The following PLXNA4 variants were observed in gnomAD, a reference collection of about 807,000 sequenced individuals.
PLXNA4 encodes plexin-A4.
PLXNA4 carries 44 observed loss-of-function variants against 191.8 expected under a neutral mutation model. That is an observed-to-expected ratio of 0.23 (90% CI 0.18 to 0.29). The LOEUF (loss-of-function observed/expected upper bound fraction) is 0.29. Among genes scored for constraint, PLXNA4 ranks in the 10% least tolerant of loss-of-function variants. The pLI is 1.00. For missense variants in PLXNA4, 1,800 were observed against 2,488.8 expected (o/e 0.72, Z 5.89); for synonymous variants, 1,082 against 1,009.5 (o/e 1.07, Z -1.36).
intron 3 of PLXNA4, among the ~76,000 whole-genome samples, chr7:132,382,500 G>T (rs1425495287): frequency 6.6e-6 from 1 of 152,142 alleles, no homozygotes; most frequent in Non-Finnish European, 1.5e-5. Context: ...GGTCCCCGTG[G>T]CAGGGACCTC....
In PLXNA4 at chr7:132,187,616, A is replaced by G. The variant is rs1443382485; in HGVS notation, c.2857-9T>C. On this transcript the variant is annotated splice_polypyrimidine_tract_variant and intron_variant, in intron 14 of 31. Coordinates refer to ENST00000321063, the MANE Select transcript of PLXNA4 (RefSeq NM_020911.2). ...TCTGAGAGAGTCAGTGTCTGTGTAG[A>G]AAGGATGTGGCCTGAGACACAACCA... 1 of 1,609,718 alleles carries G rather than the reference A, an allele frequency of 6.2e-7. No homozygotes were observed. Among genetic ancestry groups the G allele is most frequent in the African/African-American group, 1.3e-5 (1 of 74,732 alleles).
intron 3 of PLXNA4, among the ~76,000 whole-genome samples, chr7:132,366,856 G>T (rs1030773159): frequency 1.3e-5 from 2 of 152,120 alleles, no homozygotes; most frequent in Non-Finnish European, 2.9e-5. Context: ...CAAACTCTTG[G>T]GATTAAGTGA....
intron 2 of PLXNA4, among the ~76,000 whole-genome samples, chr7:132,630,832 A>T (rs1803479187): frequency 6.6e-6 from 1 of 152,194 alleles, no homozygotes. Flanking sequence ...CTTTATGGTC[A>T]TGTCAGTGGA....
intron 3 of PLXNA4, among the ~76,000 whole-genome samples, chr7:132,375,013 G>A (rs1804600423): frequency 6.6e-6 from 1 of 152,230 alleles, no homozygotes; most frequent in Non-Finnish European, 1.5e-5. Context: ...AGAAAGGCGA[G>A]GCTGTCCCCG....
At position 132,406,428 on chromosome 7, in the gene PLXNA4, G is replaced by A. The variant is rs529302196; in HGVS notation, c.1371+82864C>T. Among the ~76,000 whole-genome samples, 27 of 152,200 alleles carry A rather than the reference G, an allele frequency of 1.8e-4. 1 individual carries two copies. In the South Asian group the frequency reaches 4.4e-3, roughly 25 times the overall value. ...TTAGGAATTGAGTAAACTAGAGCGC[G>A]TTCTAACTCACCTGTTGTTCACCTT... is the stretch of plus-strand genomic sequence containing the variant. On this transcript the variant is annotated intron_variant, in intron 3 of 31. Transcript: ENST00000321063.
intron 5 of PLXNA4, among the ~76,000 whole-genome samples, chr7:132,237,486 G>A (rs181688232): frequency 6.6e-6 from 1 of 152,216 alleles, no homozygotes; most frequent in Non-Finnish European, 1.5e-5. Context: ...AACTCTGAGA[G>A]GGAGGGAGGA....
At position 132,132,493 on chromosome 7, in the gene PLXNA4, T is replaced by TCTGC. The variant is rs1563048532; in HGVS notation, c.5589+555_5589+556insGCAG. Among the ~76,000 whole-genome samples, 8 of 91,404 alleles carry TCTGC rather than the reference T, an allele frequency of 8.8e-5. 1 individual carries two copies. Among genetic ancestry groups the TCTGC allele is most frequent in the African/African-American group, 3.2e-4 (7 of 21,776 alleles). 60.0% of individuals were successfully genotyped at this position (91,404 alleles called of 152,430 possible). A position where few individuals can be genotyped will look rare whatever the true frequency, so the allele number is the denominator to read the frequency against. On this transcript the variant is annotated intron_variant, in intron 31 of 31. Coordinates refer to ENST00000321063, the MANE Select transcript of PLXNA4 (RefSeq NM_020911.2). ...CTCTGCTCTGCTCTGCTCTGCTCTA[T>TCTGC]TCTTTTCTATTCTATTCTATTCTAT... is the stretch of plus-strand genomic sequence containing the variant.
rs1798569747 is a variant in PLXNA4 at position 132,508,365 on chromosome 7, G to A, written c.329C>T (p.Thr110Ile). ...GAGCATCTTGTTGACATTGTTGGTG[G>A]TGGTCAGGGGCTCATTGCAGGTCTG... Reference protein sequence around the residue: ...IVQTCNEPLTTTNNVNKMLLI... With the variant: ...IVQTCNEPLTITNNVNKMLLI... Residue 110 changes from threonine to isoleucine, a missense_variant, in exon 2 of 32, where the codon ACC becomes ATC. Transcript: ENST00000321063. This position sits in a 1 kb window ranked among gnomAD's most constrained non-coding sequence, Gnocchi z 4.4. 2 of 1,614,192 alleles carry A rather than the reference G, an allele frequency of 1.2e-6. No homozygotes were observed. Among genetic ancestry groups the A allele is most frequent in the South Asian group, 1.1e-5 (1 of 91,082 alleles).
Position 132,204,828 on chromosome 7 carries a change from T to C in PLXNA4, c.2299-1409A>G, listed in dbSNP as rs533539765. ...CAGAAAATTGCCCTAAATTCCTGAG[T>C]TACGGAATGTGCTCCCATGAGAACA... On this transcript the variant is annotated intron_variant, in intron 10 of 31. Transcript: ENST00000321063. 1.6e-4 allele frequency among the ~76,000 whole-genome samples: 24 copies of C among 152,290 alleles called. No homozygotes were observed. In the South Asian group the frequency reaches 5.0e-3, roughly 32 times the overall value.
At chr7:132,423,987 C>T (rs530796254) in intron 3 of PLXNA4, among the ~76,000 whole-genome samples, 1 of 152,274 alleles carries the variant, frequency 6.6e-6, no homozygotes, top group Admixed American at 6.5e-5. Flanking sequence ...TCAGGGCTGC[C>T]CTCCCCTCTG....
chr7:132,385,340 G>A, intron 3 of PLXNA4: 2 of 1,567,452 alleles, frequency 1.3e-6, no homozygotes, highest in East Asian at 2.2e-5. Context: ...TGGTGCACAA[G>A]ATATGCCCAT....
intron 14 of PLXNA4, among the ~76,000 whole-genome samples, chr7:132,193,107 A>C (rs1332425422): frequency 6.6e-6 from 1 of 152,184 alleles, no homozygotes; most frequent in African/African-American, 2.4e-5. Flanking sequence ...CTTAATCCCC[A>C]ATTTAACAGT....
intron 4 of PLXNA4, among the ~76,000 whole-genome samples, chr7:132,283,898 G>A (rs540343703): frequency 1.3e-5 from 2 of 152,366 alleles, no homozygotes; most frequent in Non-Finnish European, 2.9e-5. Context: ...TCAAGGGCTG[G>A]ATAGAGTGGC....
At chr7:132,253,754 C>T (rs746093210) in intron 4 of PLXNA4, among the ~76,000 whole-genome samples, 2 of 150,670 alleles carry the variant, frequency 1.3e-5, no homozygotes, top group African/African-American at 2.5e-5. Context: ...TCAGTGATGT[C>T]ACCTGTCCGC....
At chr7:132,331,673 T>C (rs1043980341) in intron 3 of PLXNA4, among the ~76,000 whole-genome samples, 4 of 152,226 alleles carry the variant, frequency 2.6e-5, no homozygotes, top group African/African-American at 9.6e-5. Context: ...ATAATTATAA[T>C]GGTGGCTATT....
At chr7:132,189,826 T>A (rs1797032322) in intron 14 of PLXNA4, among the ~76,000 whole-genome samples, 1 of 152,034 alleles carries the variant, frequency 6.6e-6, no homozygotes, top group Non-Finnish European at 1.5e-5. Context: ...CCCTAGAAAC[T>A]CTGTGTGAGG....
chr7:132,563,667 T>TCCTCCTCTTTCTCCTCCTCCTC (rs1801501974), intron 1 of PLXNA4, among the ~76,000 whole-genome samples: 1 of 26,968 alleles, frequency 3.7e-5, no homozygotes, highest in Non-Finnish European at 7.2e-5. Flanking sequence ...TCCTCCTCCT[T>TCCTCCTCTTTCTCCTCCTCCTC]CTCCTCCTCT....
At chr7:132,267,008 T>C (rs1024608476) in intron 4 of PLXNA4, among the ~76,000 whole-genome samples, 6 of 152,180 alleles carry the variant, frequency 3.9e-5, no homozygotes, top group Non-Finnish European at 8.8e-5. Flanking sequence ...GCAGACCATA[T>C]ACAGAGGTTC....
chr7:132,301,465 TC>T (rs1801303122), intron 3 of PLXNA4, among the ~76,000 whole-genome samples: 1 of 142,682 alleles, frequency 7.0e-6, no homozygotes, highest in Non-Finnish European at 1.5e-5. Flanking sequence ...ATTAATATTG[TC>T]CCCCTTTATA....
Sources: allele counts gnomAD v4.1 joint callset (sites outside exome capture counted in the v4.1 genomes callset), GRCh38; gene constraint gnomAD v4.1.1; non-coding constraint Gnocchi (gnomAD v3.1); transcripts MANE v1.5; gene names NCBI Gene and HGNC (gene_info 2026-07-23, HGNC 2026-07-21).